NKAIN1: variants seen among roughly 807,000 people sequenced by gnomAD.
NKAIN1 encodes sodium/potassium-transporting ATPase subunit beta-1-interacting protein 1.
Under a neutral mutation model 31.6 loss-of-function variants are expected in NKAIN1, and 13 were observed. The observed-to-expected ratio is 0.41, with a 90% CI of 0.27 to 0.65. The LOEUF is 0.65. NKAIN1 is among the 30% of genes least tolerant of loss of function. The pLI is 0.30. For synonymous variants in NKAIN1, 104 were observed against 109.0 expected (o/e 0.95, Z 0.28); for missense variants, 193 against 262.2 (o/e 0.74, Z 1.82).
intron 1 of NKAIN1, among the ~76,000 whole-genome samples, chr1:31,215,373 G>A (rs539919957): frequency 6.6e-5 from 10 of 152,278 alleles, no homozygotes; most frequent in Non-Finnish European, 1.5e-4. Flanking sequence ...TCTCTTTCCA[G>A]TGGAGAATCA....
rs978638076 is a variant in NKAIN1 at position 31,233,074 on chromosome 1, G to C, written c.54+6420C>G. On this transcript the variant is annotated intron_variant, in intron 1 of 6. Coordinates refer to ENST00000373736, the MANE Select transcript of NKAIN1 (RefSeq NM_024522.3). The surrounding 1 kb of genome is among the most constrained non-coding windows in gnomAD (Gnocchi z 4.0). The stretch of plus-strand genomic sequence containing the variant: ...AATGATTCTCTTGCCTCAGCCTCCC[G>C]AGTAGCTGAAATTACAGGTGCCCAC... Among the ~76,000 whole-genome samples, 19 of 152,028 alleles carry C rather than the reference G, an allele frequency of 1.2e-4. No individual in the cohort carries two copies. The highest frequency in any genetic ancestry group is 4.6e-4 in the African/African-American group (19 of 41,386).
At chr1:31,193,336 G>A (rs762569010) in intron 1 of NKAIN1, among the ~76,000 whole-genome samples, 1 of 151,704 alleles carries the variant, frequency 6.6e-6, no homozygotes, top group Non-Finnish European at 1.5e-5. Context: ...CCAAAGTGCT[G>A]GGATTACAGG....
At chr1:31,202,529 T>G (rs1002218648) in intron 1 of NKAIN1, among the ~76,000 whole-genome samples, 21 of 147,546 alleles carry the variant, frequency 1.4e-4, no homozygotes, top group African/African-American at 5.0e-4. Context: ...CACAAAAAAC[T>G]AGCCGGGTGT....
intron 5 of NKAIN1, among the ~76,000 whole-genome samples, chr1:31,182,209 C>T (rs1645207897): frequency 6.6e-6 from 1 of 151,974 alleles, no homozygotes; most frequent in Non-Finnish European, 1.5e-5. Flanking sequence ...AAGGCTTGGG[C>T]CTGGGAGGCC....
chr1:31,234,781 C>T (rs556724522), intron 1 of NKAIN1, among the ~76,000 whole-genome samples: 1 of 152,210 alleles, frequency 6.6e-6, no homozygotes, highest in East Asian at 1.9e-4. Flanking sequence ...CAGGCTTGGA[C>T]CTGTCTGGGG....
intron 1 of NKAIN1, among the ~76,000 whole-genome samples, chr1:31,194,413 CTTT>C (rs1234303404): frequency 7.7e-6 from 1 of 130,656 alleles, no homozygotes. Context: ...TCCTTCCTTC[CTTT>C]TTTTTTTTTT....
intron 1 of NKAIN1, among the ~76,000 whole-genome samples, chr1:31,210,411 C>T (rs1466384535): frequency 6.8e-6 from 1 of 147,742 alleles, no homozygotes; most frequent in African/African-American, 2.5e-5. Context: ...GCCTCAGCCT[C>T]CTGAGCAGCT....
At chr1:31,201,050 G>A (rs901342929) in intron 1 of NKAIN1, among the ~76,000 whole-genome samples, 1 of 151,820 alleles carries the variant, frequency 6.6e-6, no homozygotes, top group South Asian at 2.1e-4. Context: ...TCAGGCTCAC[G>A]CTCCCAGCAA....
intron 1 of NKAIN1, among the ~76,000 whole-genome samples, chr1:31,219,666 G>A (rs76752242): frequency 2.6e-5 from 4 of 152,254 alleles, no homozygotes; most frequent in Admixed American, 6.5e-5. Flanking sequence ...GAGCAAACTC[G>A]TAAATCATCA....
At chr1:31,227,255 T>C (rs1018762814) in intron 1 of NKAIN1, among the ~76,000 whole-genome samples, 8 of 152,208 alleles carry the variant, frequency 5.3e-5, no homozygotes, top group African/African-American at 1.7e-4. Flanking sequence ...ACTTCAGTTC[T>C]CTGAGCCTCA....
At chr1:31,205,255 C>T (rs559450965) in intron 1 of NKAIN1, among the ~76,000 whole-genome samples, 1 of 152,116 alleles carries the variant, frequency 6.6e-6, no homozygotes, top group African/African-American at 2.4e-5. Context: ...CCCAGCCTCC[C>T]GAGTAGCTGG....
At chr1:31,186,254 C>T (rs185229826) in intron 2 of NKAIN1, among the ~76,000 whole-genome samples, 5 of 150,952 alleles carry the variant, frequency 3.3e-5, no homozygotes, top group Middle Eastern at 3.4e-3. Flanking sequence ...CCCAGCTACT[C>T]GGAAGGCTGA....
intron 1 of NKAIN1, among the ~76,000 whole-genome samples, chr1:31,218,325 G>C (rs1001414951): frequency 1.3e-5 from 2 of 152,070 alleles, no homozygotes; most frequent in African/African-American, 4.8e-5. Context: ...GCCTTCCAAA[G>C]TGCTGGGATT....
chr1:31,212,624 C>T (rs984276044), intron 1 of NKAIN1, among the ~76,000 whole-genome samples: 1 of 152,052 alleles, frequency 6.6e-6, no homozygotes, highest in African/African-American at 2.4e-5. Flanking sequence ...ACACTGGTCT[C>T]GAACTCCTGA....
intron 1 of NKAIN1, among the ~76,000 whole-genome samples, chr1:31,224,979 G>T (rs985269141): frequency 8.6e-5 from 13 of 151,828 alleles, no homozygotes; most frequent in African/African-American, 3.1e-4. Context: ...AAATACCCTT[G>T]ACTTAGACTG....
At chr1:31,229,916 G>A (rs1038444526) in intron 1 of NKAIN1, among the ~76,000 whole-genome samples, 2 of 152,198 alleles carry the variant, frequency 1.3e-5, no homozygotes, top group Non-Finnish European at 2.9e-5. Flanking sequence ...AAGAGGCCAC[G>A]CCTTCATCTT....
chr1:31,206,597 G>A (rs2148357566), intron 1 of NKAIN1, among the ~76,000 whole-genome samples: 1 of 151,526 alleles, frequency 6.6e-6, no homozygotes, highest in East Asian at 1.9e-4. Flanking sequence ...CGCTACACCT[G>A]GCTAATTTTT....
intron 1 of NKAIN1, among the ~76,000 whole-genome samples, chr1:31,205,331 C>T (rs969570595): frequency 7.9e-5 from 12 of 151,564 alleles, no homozygotes; most frequent in South Asian, 2.1e-4. Context: ...TTTTTTGAGA[C>T]GGAGTCTGGC....
chr1:31,182,488 G>C, intron 5 of NKAIN1, 42 bp downstream of exon 5: 2 of 1,607,246 alleles, frequency 1.2e-6, no homozygotes, highest in Non-Finnish European at 1.7e-6. Flanking sequence ...TGCTGAAGGC[G>C]CAGGGCCAGA....
Sources: gnomAD v4.1 joint callset for allele counts (sites outside exome capture counted in the v4.1 genomes callset) on GRCh38, gnomAD v4.1.1 for gene constraint, Gnocchi (gnomAD v3.1) non-coding constraint, MANE v1.5 for transcripts, NCBI Gene and HGNC (gene_info 2026-07-23, HGNC 2026-07-21) for gene names.